DDX55: variants seen among roughly 807,000 people sequenced by gnomAD.
The protein encoded by DDX55 is ATP-dependent RNA helicase DDX55.
In DDX55, 56 loss-of-function variants were observed where a neutral mutation model predicts 69.2. The observed-to-expected ratio is 0.81, with a 90% CI of 0.65 to 1.01. The LOEUF is 1.01. Among genes scored for constraint, DDX55 ranks in the 50% least tolerant of loss-of-function variants. The probability of loss-of-function intolerance (pLI) is 0.00; values close to 1 mark genes in which losing one functional copy is unlikely to be tolerated. For synonymous variants in DDX55, 268 were observed against 273.1 expected, an observed-to-expected ratio of 0.98 and a Z score of 0.18; for missense variants, 720 against 745.1, an observed-to-expected ratio of 0.97 and a Z score of 0.39.
chr12:123,609,841 A>G lies in DDX55; in HGVS notation c.552-98A>G. 2.8e-6 allele frequency: 4 copies of G among 1,419,746 alleles called. No homozygotes were observed. In the South Asian group the frequency reaches 5.8e-5, roughly 20 times the overall value. 87.9% of individuals were successfully genotyped at this position (1,419,746 alleles called of 1,614,324 possible). On this transcript the variant is annotated intron_variant, in intron 6 of 13. Coordinates refer to ENST00000238146, the MANE Select transcript of DDX55 (RefSeq NM_020936.3). ...GTGCTATAAATATTTTGATGGCTTC[A>G]CTTTCAGTCTTTTTGAATACCTGTT...
At chr12:123,613,132 A>C (rs1954389987) in intron 7 of DDX55, 38 bp from the exon 8 acceptor site, 1 of 1,605,110 alleles carries the variant, frequency 6.2e-7, no homozygotes, top group East Asian at 2.2e-5. Flanking sequence ...TATTATTGCC[A>C]AATATGTTTT....
rs1466982985 is a variant in DDX55, at chr12:123,602,132, C to T, written c.-17C>T. Reference sequence around the variant, plus strand: ...CGCGTTCGAGCAGCGGCGACCGACGCGGCGAAGGAGCGCGCCATGGAGCAT... The same window carrying T: ...CGCGTTCGAGCAGCGGCGACCGACGTGGCGAAGGAGCGCGCCATGGAGCAT... On this transcript the variant is annotated 5_prime_UTR_variant, in exon 1 of 14. Coordinates refer to ENST00000238146, the MANE Select transcript of DDX55 (RefSeq NM_020936.3). 1 of 1,539,816 alleles carries T rather than the reference C, an allele frequency of 6.5e-7. No homozygotes were observed. Among genetic ancestry groups the T allele is most frequent in the Non-Finnish European group, 8.7e-7 (1 of 1,143,106 alleles).
chr12:123,617,959 C>A (rs1008535041), intron 11 of DDX55, 87 bp downstream of exon 11: 2 of 1,328,362 alleles, frequency 1.5e-6, no homozygotes, highest in South Asian at 1.2e-5. Flanking sequence ...ATTGAAATTA[C>A]GAATTGCAAA....
At chr12:123,609,545 T>TA (rs929907246) in intron 6 of DDX55, among the ~76,000 whole-genome samples, 6 of 151,498 alleles carry the variant, frequency 4.0e-5, no homozygotes, top group African/African-American at 1.5e-4. Context: ...TTTTTTTTTT[T>TA]AATTTTTGGC....
chr12:123,607,713 C>G, intron 5 of DDX55, 51 bp downstream of exon 5: 1 of 1,613,204 alleles, frequency 6.2e-7, no homozygotes, highest in Non-Finnish European at 8.5e-7. Context: ...GGCATTGAAC[C>G]TAAGAATCGA....
chr12:123,616,772 C>T, intron 10 of DDX55, 169 bp downstream of exon 10: 1 of 709,654 alleles, frequency 1.4e-6, no homozygotes, highest in East Asian at 2.6e-5. Flanking sequence ...CTTGCCAGAA[C>T]AGTTTTGAAA....
intron 1 of DDX55, among the ~76,000 whole-genome samples, chr12:123,603,859 A>G (rs1953724580): frequency 6.6e-6 from 1 of 151,056 alleles, no homozygotes; most frequent in Non-Finnish European, 1.5e-5. Flanking sequence ...TTGGAGTGCA[A>G]TGACACGATC....
intron 7 of DDX55, 126 bp from the exon 8 acceptor site, chr12:123,613,044 G>T: frequency 1.1e-6 from 1 of 923,464 alleles, no homozygotes; most frequent in South Asian, 1.6e-5. Context: ...TTAACATTCC[G>T]ACTAAAGTCT....
At chr12:123,613,774 C>T (rs1002833630) in intron 8 of DDX55, among the ~76,000 whole-genome samples, 3 of 152,214 alleles carry the variant, frequency 2.0e-5, no homozygotes, top group East Asian at 1.9e-4. Context: ...AAAATGAGTG[C>T]GCAGCTTTTC....
Position 123,620,204 on chromosome 12 carries a change from T to G in DDX55, c.*64T>G. On this transcript the variant is annotated 3_prime_UTR_variant, in exon 14 of 14. Coordinates refer to ENST00000238146, the MANE Select transcript of DDX55 (RefSeq NM_020936.3). ...TCCCTAACTTGGTGGATGGCTCCAG[T>G]TTGCTTTTAACGAAAATCACAACTT... 1 of 1,516,570 alleles carries G rather than the reference T, an allele frequency of 6.6e-7. No homozygotes were observed. The highest frequency in any genetic ancestry group is 8.9e-7 in the Non-Finnish European group (1 of 1,124,956). The allele number at this position is 1,516,570 out of a possible 1,614,324, so 93.9% of individuals were successfully genotyped here.
chr12:123,607,976 G>T, intron 5 of DDX55: 1 of 410,926 alleles, frequency 2.4e-6, no homozygotes, highest in Admixed American at 3.9e-5. Context: ...GCTGGTAGTT[G>T]CCTGGGAGGA....
rs141814847 is a variant in DDX55, at chr12:123,603,678, C to T, written c.108+1422C>T. 9.7e-4 allele frequency among the ~76,000 whole-genome samples: 148 copies of T among 152,094 alleles called. 3 individuals carry two copies. In the East Asian group the frequency reaches 0.026, roughly 26 times the overall value. ...GTGCTGGGATTACAGGCTGAGCTACCGCACCCGGCTGATTTTTATTAGTAG... is the reference window on the plus strand; with the variant it reads ...GTGCTGGGATTACAGGCTGAGCTACTGCACCCGGCTGATTTTTATTAGTAG... On this transcript the variant is annotated intron_variant, in intron 1 of 13. Coordinates refer to ENST00000238146, the MANE Select transcript of DDX55 (RefSeq NM_020936.3).
intron 1 of DDX55, 198 bp from the exon 2 acceptor site, chr12:123,605,733 C>T (rs1403658620): frequency 1.4e-6 from 1 of 718,344 alleles, no homozygotes; most frequent in African/African-American, 1.7e-5. Flanking sequence ...CAGCTCAGCT[C>T]ACTGTCCCCA....
chr12:123,615,721 A>G (rs552111003), intron 9 of DDX55, among the ~76,000 whole-genome samples: 1 of 152,306 alleles, frequency 6.6e-6, no homozygotes, highest in East Asian at 1.9e-4. Flanking sequence ...ACGGTGGCTC[A>G]CGCCTGTAAT....
chr12:123,609,736 C>T (rs1447500597), intron 6 of DDX55, among the ~76,000 whole-genome samples: 2 of 152,032 alleles, frequency 1.3e-5, no homozygotes, highest in African/African-American at 2.4e-5. Flanking sequence ...TAATTGTATG[C>T]TAAAATTTGA....
chr12:123,603,752 A>C (rs1016157200), intron 1 of DDX55, among the ~76,000 whole-genome samples: 1 of 152,020 alleles, frequency 6.6e-6, no homozygotes, highest in African/African-American at 2.4e-5. Flanking sequence ...CGTGCGTATC[A>C]GGTTTCAGAG....
chr12:123,605,200 T>C (rs1483305156), intron 1 of DDX55: 1 of 153,704 alleles, frequency 6.5e-6, no homozygotes, highest in Non-Finnish European at 1.4e-5. Context: ...AAAAAAATTT[T>C]CTTTGTAGAG....
chr12:123,607,397 G>T, intron 3 of DDX55, 35 bp from the exon 4 acceptor site: 1 of 1,610,408 alleles, frequency 6.2e-7, no homozygotes, highest in East Asian at 2.2e-5. Context: ...AGTCCCTTGT[G>T]CTGCTGACTG....
chr12:123,606,155 G>A lies in DDX55; in HGVS notation c.242G>A (p.Ser81Asn). 2 of 1,614,082 alleles carry A rather than the reference G, an allele frequency of 1.2e-6. No homozygotes were observed. The highest frequency in any genetic ancestry group is 2.2e-5 in the South Asian group (2 of 91,068). The change falls in exon 3 of 14, where the codon AGT becomes AAT. Residue 81 changes from serine (S) to asparagine (N), a missense_variant. By Grantham distance (46) the Ser-to-Asn change is conservative. Coordinates refer to ENST00000238146, the MANE Select transcript of DDX55 (RefSeq NM_020936.3). The part of the protein sequence containing the change: ...LLRREEKLKK[S>N]QVGAIIITPT... ...AGAAGAGAAGAGAAGTTAAAAAAGA[G>A]TCAGGTGAGGACAACAAAAGTGATT... is the stretch of plus-strand genomic sequence containing the variant.
Sources: allele counts gnomAD v4.1 joint callset (sites outside exome capture counted in the v4.1 genomes callset), GRCh38; gene constraint gnomAD v4.1.1; transcripts MANE v1.5; gene names NCBI Gene and HGNC (gene_info 2026-07-23, HGNC 2026-07-21).